The following COL24A1 variants were observed in gnomAD, a reference collection of about 807,000 sequenced individuals.
The protein encoded by COL24A1 is collagen type XXIV alpha 1 chain, also known as collagen alpha-1(XXIV) chain.
COL24A1 carries 224 observed loss-of-function variants against 253.9 expected under a neutral mutation model. The observed-to-expected ratio is 0.88, with a 90% confidence interval of 0.79 to 0.99. COL24A1 has a LOEUF of 0.99. Among genes scored for constraint, COL24A1 ranks in the 50% least tolerant of loss-of-function variants. COL24A1 has a pLI of 0.00. For synonymous variants in COL24A1, 685 were observed against 673.7 expected, an observed-to-expected ratio of 1.02 and a Z score of -0.26; for missense variants, 2,131 against 2,068.5, an observed-to-expected ratio of 1.03 and a Z score of -0.59.
At chr1:85,784,508 T>G in intron 48 of COL24A1, 142 bp from the exon 49 acceptor site, 1 of 599,716 alleles carries the variant, frequency 1.7e-6, no homozygotes, top group South Asian at 2.2e-5. Flanking sequence ...TGCATGTTCA[T>G]CTTGTTCACC....
At chr1:85,841,002 T>C (rs1179693017) in intron 42 of COL24A1, among the ~76,000 whole-genome samples, 9 of 152,290 alleles carry the variant, frequency 5.9e-5, no homozygotes, top group East Asian at 3.9e-4. Flanking sequence ...AGTCACTATA[T>C]TAACCCTATA....
chr1:85,816,153 C>T (rs1673021472), intron 47 of COL24A1, among the ~76,000 whole-genome samples: 1 of 151,998 alleles, frequency 6.6e-6, no homozygotes, highest in Non-Finnish European at 1.5e-5. Context: ...CAGCAATGCT[C>T]CTTAGGGGAT....
intron 20 of COL24A1, among the ~76,000 whole-genome samples, chr1:85,987,328 C>T (rs534046528): frequency 9.2e-5 from 14 of 151,682 alleles, no homozygotes; most frequent in Non-Finnish European, 1.5e-4. Flanking sequence ...GCCTTTTATA[C>T]GCTATGACTT....
chr1:86,038,722 G>A (rs1024566555), intron 12 of COL24A1, among the ~76,000 whole-genome samples: 2 of 152,078 alleles, frequency 1.3e-5, no homozygotes. Context: ...CACTCTGGGG[G>A]AAGCCAAAGC....
chr1:86,004,814 C>T (rs1695779900), intron 19 of COL24A1, among the ~76,000 whole-genome samples: 1 of 152,202 alleles, frequency 6.6e-6, no homozygotes, highest in Non-Finnish European at 1.5e-5. Context: ...TACCAGAGCA[C>T]TTTGGACTTT....
chr1:85,818,068 C>T lies in COL24A1; in HGVS notation c.3809G>A (p.Gly1270Glu). The change falls in exon 46 of 60, where the codon GGA becomes GAA. Residue 1270 changes from glycine to glutamate, a missense_variant. Coordinates refer to ENST00000370571, the MANE Select transcript of COL24A1 (RefSeq NM_152890.7). ...AGGTTTCCCAGAAGGACCAGGAGCT[C>T]CTTTTTTCCCCTTATTACCCTAAAG... ...RGSEGNKGKK[G>E]APGPSGKPGI... The T allele has an allele frequency of 1.2e-6, 2 of 1,613,578 alleles. No homozygotes were observed. Among genetic ancestry groups the T allele is most frequent in the Non-Finnish European group, 1.7e-6 (2 of 1,179,576 alleles).
At chr1:85,873,311 C>T (rs1680751684) in intron 35 of COL24A1, among the ~76,000 whole-genome samples, 1 of 151,802 alleles carries the variant, frequency 6.6e-6, no homozygotes, top group Non-Finnish European at 1.5e-5. Flanking sequence ...TTAGAAATAC[C>T]ATTTGACCCA....
At chr1:85,818,798 G>T (rs1673302402) in intron 45 of COL24A1, among the ~76,000 whole-genome samples, 1 of 152,082 alleles carries the variant, frequency 6.6e-6, no homozygotes. Flanking sequence ...ATAAGAAAAG[G>T]AATCATGTTG....
At chr1:85,832,292 G>C (rs1482912149) in intron 43 of COL24A1, among the ~76,000 whole-genome samples, 4 of 152,026 alleles carry the variant, frequency 2.6e-5, no homozygotes, top group African/African-American at 9.7e-5. Flanking sequence ...CCATATCTCT[G>C]TTTTGGTACC....
intron 11 of COL24A1, among the ~76,000 whole-genome samples, 180 bp downstream of exon 11, chr1:86,049,944 C>T (rs1045072751): frequency 7.9e-5 from 12 of 151,910 alleles, no homozygotes; most frequent in African/African-American, 2.7e-4. Context: ...TATTACTTTC[C>T]TTTAACAAAA....
chr1:85,966,762 TTA>T (rs1691606056), intron 22 of COL24A1, among the ~76,000 whole-genome samples: 1 of 152,086 alleles, frequency 6.6e-6, no homozygotes, highest in African/African-American at 2.4e-5. Context: ...CTGATCGTAT[TTA>T]TCAGATCATT....
chr1:86,064,241 T>C (rs1220651940), intron 7 of COL24A1, among the ~76,000 whole-genome samples: 1 of 152,124 alleles, frequency 6.6e-6, no homozygotes, highest in Non-Finnish European at 1.5e-5. Context: ...ACCCCATGAA[T>C]GAGGTAACTC....
At chr1:86,109,645 C>T (rs1156509004) in intron 5 of COL24A1, among the ~76,000 whole-genome samples, 2 of 152,172 alleles carry the variant, frequency 1.3e-5, no homozygotes, top group Non-Finnish European at 2.9e-5. Context: ...CTTCTGAATG[C>T]GATCACTGAT....
intron 12 of COL24A1, among the ~76,000 whole-genome samples, chr1:86,037,886 C>T (rs913575157): frequency 1.3e-5 from 2 of 152,024 alleles, no homozygotes; most frequent in Non-Finnish European, 2.9e-5. Flanking sequence ...ACTGTTGTTT[C>T]TAGTTTTAAA....
chr1:85,992,794 T>G (rs2390006), intron 19 of COL24A1, among the ~76,000 whole-genome samples: 70,878 of 151,912 alleles, frequency 0.47, 16,918 homozygotes, highest in East Asian at 0.61. Context: ...CCACCTCAGT[T>G]AAGTCATCCT....
rs554718582 is a variant in COL24A1 at position 85,832,966 on chromosome 1, G to T, written c.3681+5619C>A. ...TGGCCAGAACTTCCAACACTATGTTGAATAGGAGTGGTGAGAGAGGGCATC... is the reference window on the plus strand; with the variant it reads ...TGGCCAGAACTTCCAACACTATGTTTAATAGGAGTGGTGAGAGAGGGCATC... On this transcript the variant is annotated intron_variant, in intron 43 of 59. Coordinates refer to ENST00000370571, the MANE Select transcript of COL24A1 (RefSeq NM_152890.7). 4.7e-3 allele frequency among the ~76,000 whole-genome samples: 710 copies of T among 151,604 alleles called. 5 individuals carry two copies. Among genetic ancestry groups the T allele is most frequent in the African/African-American group, 0.015 (630 of 41,154 alleles).
At chr1:85,816,746 T>C (rs1303680150) in intron 47 of COL24A1, 42 bp downstream of exon 47, 1 of 1,506,152 alleles carries the variant, frequency 6.6e-7, no homozygotes, top group East Asian at 2.3e-5. Context: ...AGGAGACACA[T>C]GCATAGGAAA....
At chr1:86,032,180 C>G (rs1029235948) in intron 13 of COL24A1, among the ~76,000 whole-genome samples, 8 of 152,138 alleles carry the variant, frequency 5.3e-5, no homozygotes, top group African/African-American at 1.7e-4. Flanking sequence ...GCAGAGTCCC[C>G]TCTGCCTCCT....
intron 57 of COL24A1, among the ~76,000 whole-genome samples, chr1:85,738,244 T>G (rs1184010836): frequency 6.6e-6 from 1 of 152,184 alleles, no homozygotes; most frequent in African/African-American, 2.4e-5. Flanking sequence ...TGTTTTATAA[T>G]AGAAACAACT....
Sources: allele counts gnomAD v4.1 joint callset (sites outside exome capture counted in the v4.1 genomes callset), GRCh38; gene constraint gnomAD v4.1.1; transcripts MANE v1.5; gene names NCBI Gene and HGNC (gene_info 2026-07-23, HGNC 2026-07-21).